The following TBC1D8 variants were observed in gnomAD, a reference collection of about 807,000 sequenced individuals.
TBC1D8 encodes TBC1 domain family member 8, also known as BUB2-like protein 1.
A neutral mutation model predicts 118.8 loss-of-function variants in TBC1D8; 65 were observed. The observed-to-expected ratio is 0.55, with a 90% CI of 0.45 to 0.67. TBC1D8 has a LOEUF of 0.67. Among genes scored for constraint, TBC1D8 ranks in the 30% least tolerant of loss-of-function variants. TBC1D8 has a pLI of 0.00. For synonymous variants in TBC1D8, 566 were observed against 595.8 expected (o/e 0.95, Z 0.73); for missense variants, 1,376 against 1,471.2 (o/e 0.94, Z 1.06).
At chr2:101,112,291 TA>T (rs1677637042) in intron 1 of TBC1D8, among the ~76,000 whole-genome samples, 1 of 152,224 alleles carries the variant, frequency 6.6e-6, no homozygotes, top group East Asian at 1.9e-4. Context: ...GCTGTGGCTT[TA>T]AAGAATACAG....
Position 101,022,503 on chromosome 2 carries a change from A to G in TBC1D8, c.2539T>C (p.Cys847Arg), listed in dbSNP as rs1207754054. ...ATGGGCCTGGGCTGCTCCCAGTAAC[A>G]GCTCATCATATGTTCTCTCTTCAAA... ...DLFKREHMMSCYWEQPRPMAS... is the reference protein window; with the variant it reads ...DLFKREHMMSRYWEQPRPMAS... The change falls in exon 16 of 20, where the codon TGT becomes CGT. Residue 847 changes from cysteine (C) to arginine (R), a missense_variant. Cys to Arg is a radical substitution (Grantham distance 180, BLOSUM62 -3). Transcript: ENST00000409318. 1 of 1,595,526 alleles carries G rather than the reference A, an allele frequency of 6.3e-7. No homozygotes were observed. Among genetic ancestry groups the G allele is most frequent in the Non-Finnish European group, 8.5e-7 (1 of 1,175,218 alleles).
chr2:101,078,869 T>C (rs1043227400), intron 2 of TBC1D8, among the ~76,000 whole-genome samples: 7 of 152,006 alleles, frequency 4.6e-5, no homozygotes, highest in African/African-American at 1.4e-4. Context: ...GGTTACTCCC[T>C]GAATTTCCTT....
chr2:101,138,514 C>G (rs541844750), intron 1 of TBC1D8, among the ~76,000 whole-genome samples: 6 of 152,304 alleles, frequency 3.9e-5, no homozygotes, highest in Middle Eastern at 3.4e-3. Flanking sequence ...AAGCCCAAGG[C>G]TGTCACCTGC....
intron 2 of TBC1D8, among the ~76,000 whole-genome samples, chr2:101,065,201 G>A (rs1682951998): frequency 6.6e-6 from 1 of 152,210 alleles, no homozygotes; most frequent in African/African-American, 2.4e-5. Context: ...TGAATTAAGT[G>A]CCTTCTCCAG....
intron 17 of TBC1D8, among the ~76,000 whole-genome samples, chr2:101,015,478 C>T (rs1390615113): frequency 6.6e-6 from 1 of 152,202 alleles, no homozygotes; most frequent in Non-Finnish European, 1.5e-5. Context: ...ACTTTATAAA[C>T]TTTTTGACTC....
chr2:101,069,256 G>A (rs1217926477), intron 2 of TBC1D8, among the ~76,000 whole-genome samples: 1 of 150,612 alleles, frequency 6.6e-6, no homozygotes, highest in African/African-American at 2.5e-5. Context: ...TCACGCCACT[G>A]CACTCCAGCC....
At chr2:101,080,316 G>T (rs1675177384) in intron 2 of TBC1D8, among the ~76,000 whole-genome samples, 1 of 152,028 alleles carries the variant, frequency 6.6e-6, no homozygotes, top group African/African-American at 2.4e-5. Context: ...CTCCCACTGG[G>T]TTGCTTCCCA....
chr2:101,136,015 C>A (rs922643880), intron 1 of TBC1D8, among the ~76,000 whole-genome samples: 2 of 152,156 alleles, frequency 1.3e-5, no homozygotes, highest in Admixed American at 6.5e-5. Context: ...GGCACCACCA[C>A]GCCTGGCTAA....
chr2:101,106,496 A>C (rs916379989), intron 1 of TBC1D8, among the ~76,000 whole-genome samples: 1 of 152,218 alleles, frequency 6.6e-6, no homozygotes, highest in Admixed American at 6.5e-5. Flanking sequence ...AGCCCTAAGT[A>C]ATTTTGGAAA....
At chr2:101,147,042 G>T (rs2104288811) in intron 1 of TBC1D8, among the ~76,000 whole-genome samples, 1 of 151,814 alleles carries the variant, frequency 6.6e-6, no homozygotes, top group Non-Finnish European at 1.5e-5. Flanking sequence ...GCCAGGCACG[G>T]TGGCTCACAC....
rs1359062483 is a variant in TBC1D8, at chr2:101,036,039, T to C, written c.1582A>G (p.Arg528Gly). ...TTACCTGAGAAGAGAAGCCAGAGTC[T>C]CCCTCGCAAAGATTCAGGGATGCCC... ...AMGIPESLRG[R>G]LWLLFSDAVT... The change falls in exon 9 of 20, where the codon AGA becomes GGA. Residue 528 changes from arginine to glycine, a missense_variant. By Grantham distance (125) the Arg-to-Gly change is moderately radical (BLOSUM62 -2). Transcript: ENST00000409318. The C allele has an allele frequency of 1.2e-6, 2 of 1,613,820 alleles. No homozygotes were observed. The highest frequency in any genetic ancestry group is 1.3e-5 in the African/African-American group (1 of 74,920).
chr2:101,074,113 A>G (rs1396631488), intron 2 of TBC1D8, among the ~76,000 whole-genome samples: 1 of 152,246 alleles, frequency 6.6e-6, no homozygotes, highest in Non-Finnish European at 1.5e-5. Context: ...TTTGATATAA[A>G]GTGAAAGACA....
intron 1 of TBC1D8, among the ~76,000 whole-genome samples, chr2:101,096,724 G>GA (rs1182212251): frequency 6.6e-6 from 1 of 150,748 alleles, no homozygotes; most frequent in African/African-American, 2.4e-5. Flanking sequence ...CACAGTCAAG[G>GA]AAAAAAATCA....
chr2:101,143,179 C>T (rs1005040969), intron 1 of TBC1D8, among the ~76,000 whole-genome samples: 4 of 151,696 alleles, frequency 2.6e-5, no homozygotes, highest in African/African-American at 9.7e-5. Flanking sequence ...TCCCCTGCCT[C>T]AGCCTCCCAA....
At chr2:101,025,477 C>G (rs34315890) in intron 15 of TBC1D8, among the ~76,000 whole-genome samples, 1 of 152,120 alleles carries the variant, frequency 6.6e-6, no homozygotes, top group African/African-American at 2.4e-5. Context: ...TTCGGCCTCC[C>G]AAAGTGCTGG....
intron 2 of TBC1D8, among the ~76,000 whole-genome samples, chr2:101,084,029 G>T (rs186066983): frequency 6.6e-6 from 1 of 152,158 alleles, no homozygotes; most frequent in Non-Finnish European, 1.5e-5. Flanking sequence ...ATGTTCTGTG[G>T]GCAAGAAGGC....
intron 1 of TBC1D8, among the ~76,000 whole-genome samples, chr2:101,123,532 A>G (rs1678219845): frequency 6.6e-6 from 1 of 152,114 alleles, no homozygotes; most frequent in Admixed American, 6.5e-5. Flanking sequence ...CGGCTAAGTC[A>G]TGTACCTGAT....
At chr2:101,022,229 TCA>T in intron 16 of TBC1D8, 50 bp downstream of exon 16, 1 of 1,610,812 alleles carries the variant, frequency 6.2e-7, no homozygotes, top group Non-Finnish European at 8.5e-7. Context: ...TGTGTTCTGC[TCA>T]CAGACCCACA....
At chr2:101,108,269 G>A (rs1677355066) in intron 1 of TBC1D8, among the ~76,000 whole-genome samples, 1 of 152,130 alleles carries the variant, frequency 6.6e-6, no homozygotes, top group Admixed American at 6.5e-5. Context: ...TCTCAAAACT[G>A]TGAAGGTCAT....
Sources: gnomAD v4.1 joint callset for allele counts (sites outside exome capture counted in the v4.1 genomes callset) on GRCh38, gnomAD v4.1.1 for gene constraint, MANE v1.5 for transcripts, NCBI Gene and HGNC (gene_info 2026-07-23, HGNC 2026-07-21) for gene names.